Variants in FOXN3 observed in about 807,000 individuals in gnomAD.
FOXN3 encodes forkhead box N3.
In FOXN3, 7 loss-of-function variants were observed where a neutral mutation model predicts 38.4. The ratio of observed to expected loss-of-function variants is 0.18; its 90% CI spans 0.10 to 0.34. The LOEUF is 0.34. FOXN3 is among the 10% of genes least tolerant of loss of function. The probability of loss-of-function intolerance (pLI) is 1.00; values close to 1 mark genes in which losing one functional copy is unlikely to be tolerated. For missense variants in FOXN3, 456 were observed against 613.4 expected, an observed-to-expected ratio of 0.74 and a Z score of 2.71; for synonymous variants, 230 against 242.2, an observed-to-expected ratio of 0.95 and a Z score of 0.47.
chr14:89,287,447 C>A (rs1886663727), intron 3 of FOXN3, among the ~76,000 whole-genome samples: 1 of 152,044 alleles, frequency 6.6e-6, no homozygotes, highest in Non-Finnish European at 1.5e-5. Context: ...CCACGCCCAG[C>A]CCCAGTGGTA....
At chr14:89,302,785 C>T (rs986343940) in intron 3 of FOXN3, among the ~76,000 whole-genome samples, 3 of 152,200 alleles carry the variant, frequency 2.0e-5, no homozygotes, top group African/African-American at 7.2e-5. Context: ...TTCATCTGCC[C>T]TTCTCTGTCC....
chr14:89,471,222 C>G (rs541575691), intron 1 of FOXN3, among the ~76,000 whole-genome samples: 2 of 152,262 alleles, frequency 1.3e-5, no homozygotes, highest in African/African-American at 4.8e-5. Flanking sequence ...TTGAGCCACC[C>G]TGTGGTTCAG....
intron 4 of FOXN3, among the ~76,000 whole-genome samples, chr14:89,191,948 G>GTATATATATATATATATGTATA (rs566312671): frequency 8.5e-6 from 1 of 117,966 alleles, no homozygotes; most frequent in African/African-American, 4.7e-5. Flanking sequence ...ACTGATATTA[G>GTATATATATATATATATGTATA]TATATATATA....
intron 1 of FOXN3, among the ~76,000 whole-genome samples, chr14:89,528,538 A>C (rs1489849873): frequency 6.6e-6 from 1 of 151,772 alleles, no homozygotes; most frequent in South Asian, 2.1e-4. Context: ...CTGGGACTAC[A>C]GGCATGTGCC....
chr14:89,419,478 A>G (rs1891846657), upstream of FOXN3: 1 of 301,686 alleles, frequency 3.3e-6, no homozygotes, highest in Non-Finnish European at 6.6e-6. Context: ...AGCAAGCTGC[A>G]TTGTCTAATG....
At chr14:89,368,165 C>A (rs1255122796) in intron 2 of FOXN3, among the ~76,000 whole-genome samples, 1 of 150,054 alleles carries the variant, frequency 6.7e-6, no homozygotes, top group Non-Finnish European at 1.5e-5. Flanking sequence ...CCCGTCTCTA[C>A]TAAAAAAATA....
At chr14:89,487,538 T>A (rs71426921) in intron 1 of FOXN3, among the ~76,000 whole-genome samples, 10,982 of 152,284 alleles carry the variant, frequency 0.072, 423 homozygotes, top group Middle Eastern at 0.11. Flanking sequence ...GTCCTCCAAG[T>A]AATTCTGATA....
chr14:89,365,316 A>G (rs993781916), intron 2 of FOXN3, among the ~76,000 whole-genome samples: 3 of 152,324 alleles, frequency 2.0e-5, no homozygotes, highest in African/African-American at 4.8e-5. Context: ...TCTCTACACT[A>G]TTGTTTCCCA....
chr14:89,580,920 T>C (rs564239469), intron 1 of FOXN3, among the ~76,000 whole-genome samples: 2 of 152,108 alleles, frequency 1.3e-5, no homozygotes, highest in South Asian at 2.1e-4. Flanking sequence ...TGTTGGCTCA[T>C]GCCTGTAATC....
rs914414461 is a variant in FOXN3, at chr14:89,215,749, T to C, written c.746-34943A>G. Among the ~76,000 whole-genome samples the C allele has an allele frequency of 3.9e-5, 6 of 152,282 alleles. No homozygotes were observed. The East Asian group carries it at 1.2e-3, about 29-fold the overall frequency. On this transcript the variant is annotated intron_variant, in intron 4 of 5. Coordinates refer to ENST00000557258, the MANE Select transcript of FOXN3 (RefSeq NM_005197.4). ...CTGTGCAATTTCTGCAGTGTGGCAG[T>C]CAGGAGAATTTGTTGGCCCAAGAGA...
intron 3 of FOXN3, among the ~76,000 whole-genome samples, chr14:89,282,987 T>C (rs570146280): frequency 2.0e-5 from 3 of 152,328 alleles, no homozygotes; most frequent in East Asian, 3.9e-4. Flanking sequence ...CTGTGGAACT[T>C]ATCTGTACTC....
intron 2 of FOXN3, among the ~76,000 whole-genome samples, chr14:89,389,396 C>A (rs1890875165): frequency 6.6e-6 from 1 of 152,106 alleles, no homozygotes; most frequent in African/African-American, 2.4e-5. Context: ...TTCATGAACA[C>A]CCTTTCATTC....
chr14:89,523,114 T>C (rs1388371415), intron 1 of FOXN3, among the ~76,000 whole-genome samples: 1 of 152,102 alleles, frequency 6.6e-6, no homozygotes, highest in Non-Finnish European at 1.5e-5. Flanking sequence ...ATTCACATAG[T>C]AAAGGGGATA....
Position 89,192,030 on chromosome 14 carries a change from CAT to C in FOXN3, c.746-11226_746-11225del, listed in dbSNP as rs199566240. The stretch of plus-strand genomic sequence containing the variant: ...TAATTAATCATTAATCATCAACTAA[CAT>C]ATATAAACTATTATATATAATAATA... On this transcript the variant is annotated intron_variant, in intron 4 of 5. Coordinates refer to ENST00000557258, the MANE Select transcript of FOXN3 (RefSeq NM_005197.4). Among the ~76,000 whole-genome samples, 58 of 144,496 alleles carry C rather than the reference CAT, an allele frequency of 4.0e-4. No homozygotes were observed. In the East Asian group the frequency reaches 0.011, roughly 26 times the overall value. The allele number at this position is 144,496 out of a possible 152,430, so 94.8% of individuals were successfully genotyped here.
intron 1 of FOXN3, among the ~76,000 whole-genome samples, chr14:89,618,145 G>A (rs576111975): frequency 2.0e-5 from 3 of 152,332 alleles, no homozygotes; most frequent in Non-Finnish European, 2.9e-5. Context: ...CCTTTCGGGT[G>A]AGGCACATTT....
At chr14:89,316,197 T>A (rs1265609542) in intron 3 of FOXN3, among the ~76,000 whole-genome samples, 1 of 152,054 alleles carries the variant, frequency 6.6e-6, no homozygotes, top group Non-Finnish European at 1.5e-5. Flanking sequence ...TGCCATCAAG[T>A]GAAAAAGCTT....
intron 1 of FOXN3, among the ~76,000 whole-genome samples, chr14:89,431,815 A>G (rs1596270656): frequency 6.6e-6 from 1 of 152,060 alleles, no homozygotes; most frequent in East Asian, 1.9e-4. Context: ...CCTGGGTTCA[A>G]GCAATTCTCC....
At chr14:89,417,452 C>T (rs1891779427), upstream of FOXN3, 2 of 148,656 alleles carry the variant, frequency 1.3e-5, no homozygotes, top group South Asian at 4.1e-4. Flanking sequence ...GGCCTCGCCT[C>T]TTGGGCCCCG....
intron 1 of FOXN3, among the ~76,000 whole-genome samples, chr14:89,426,285 C>T (rs549856758): frequency 7.6e-6 from 1 of 130,802 alleles, no homozygotes; most frequent in South Asian, 2.5e-4. Context: ...AGCGCAGTGG[C>T]ATGACCTCAG....
Sources: gnomAD v4.1 joint callset for allele counts (sites outside exome capture counted in the v4.1 genomes callset) on GRCh38, gnomAD v4.1.1 for gene constraint, MANE v1.5 for transcripts, NCBI Gene and HGNC (gene_info 2026-07-23, HGNC 2026-07-21) for gene names.